PAH: variants seen among roughly 807,000 people sequenced by gnomAD.
The protein encoded by PAH is phenylalanine-4-hydroxylase.
PAH carries 64 observed loss-of-function variants against 62.0 expected under a neutral mutation model. The ratio of observed to expected loss-of-function variants is 1.03; its 90% CI spans 0.84 to 1.27. The LOEUF is 1.27. Among genes scored for constraint, PAH ranks in the 50% most tolerant of loss-of-function variants. The pLI is 0.00. For synonymous variants in PAH, 195 were observed against 196.2 expected (o/e 0.99, Z 0.05); for missense variants, 579 against 542.8 (o/e 1.07, Z -0.66).
intron 1 of PAH, among the ~76,000 whole-genome samples, chr12:102,942,536 A>AT (rs1022646608): frequency 5.9e-5 from 9 of 151,710 alleles, no homozygotes; most frequent in African/African-American, 1.2e-4. Context: ...TACCAATGAC[A>AT]TTTTTTTTCA....
intron 2 of PAH, among the ~76,000 whole-genome samples, chr12:102,905,161 T>C (rs79993046): frequency 0.034 from 5,219 of 152,262 alleles, 121 homozygotes; most frequent in African/African-American, 0.06. Context: ...CACTGGTAGA[T>C]CTGGGATTTA....
intron 11 of PAH, 142 bp from the exon 12 acceptor site, chr12:102,840,657 C>G (rs572691049): frequency 1.4e-6 from 1 of 698,132 alleles, no homozygotes; most frequent in Non-Finnish European, 2.7e-6. Context: ...AGGGCTGAGG[C>G]GGGGGGAATG....
intron 2 of PAH, among the ~76,000 whole-genome samples, chr12:102,899,884 A>C (rs1877677958): frequency 6.9e-6 from 1 of 144,006 alleles, no homozygotes; most frequent in Non-Finnish European, 1.5e-5. Flanking sequence ...AAAAAAAAAA[A>C]AAAGTGAGTA....
intron 1 of PAH, among the ~76,000 whole-genome samples, chr12:102,934,114 T>C (rs1325651559): frequency 6.6e-6 from 1 of 152,106 alleles, no homozygotes; most frequent in African/African-American, 2.4e-5. Context: ...TGATGAGACA[T>C]AGGAATGTTG....
At chr12:102,904,511 C>A (rs892785805) in intron 2 of PAH, among the ~76,000 whole-genome samples, 1 of 152,148 alleles carries the variant, frequency 6.6e-6, no homozygotes, top group African/African-American at 2.4e-5. Flanking sequence ...AGTTCATGTG[C>A]ACTATGGCTC....
At chr12:102,897,480 T>C (rs976193417) in intron 2 of PAH, among the ~76,000 whole-genome samples, 10 of 146,436 alleles carry the variant, frequency 6.8e-5, no homozygotes, top group Admixed American at 3.4e-4. Flanking sequence ...TATATATATA[T>C]ATATATATAT....
rs281865443 is a variant in PAH, at chr12:102,855,210, G to A, written c.632C>T (p.Pro211Leu). 6.2e-7 allele frequency: 1 copy of A among 1,614,110 alleles called. No homozygotes were observed. The highest frequency in any genetic ancestry group is 8.5e-7 in the Non-Finnish European group (1 of 1,179,972). ...GAAGCCACAGTACTTTTCAAGAAGT[G>A]GAAAAATGTGATTGTACTCATAGCA... ...HACYEYNHIF[P>L]LLEKYCGFHE... Residue 211 changes from proline to leucine, a missense_variant, in exon 6 of 13, where the codon CCA (proline) becomes CTA (leucine). Physicochemically the swap from Pro to Leu is moderately conservative, Grantham distance 98. Transcript: ENST00000553106.
intron 8 of PAH, among the ~76,000 whole-genome samples, chr12:102,848,540 G>C (rs1034556052): frequency 6.9e-6 from 1 of 145,714 alleles, no homozygotes; most frequent in Non-Finnish European, 1.5e-5. Context: ...AGAGGTGGAG[G>C]GTAGACAGGA....
At chr12:102,915,326 C>T (rs1878342120) in intron 1 of PAH, 1 of 152,170 alleles carries the variant, frequency 6.6e-6, no homozygotes. Flanking sequence ...CCTTAGTGCT[C>T]ATCTAGTTAA....
intron 1 of PAH, among the ~76,000 whole-genome samples, chr12:102,915,556 C>G (rs1203396548): frequency 6.6e-6 from 1 of 152,190 alleles, no homozygotes; most frequent in Admixed American, 6.5e-5. Context: ...TAGTCAATAG[C>G]ACTCCTAACA....
chr12:102,903,405 A>C (rs74743170), intron 2 of PAH, among the ~76,000 whole-genome samples: 3 of 116,056 alleles, frequency 2.6e-5, no homozygotes, highest in African/African-American at 9.8e-5. Context: ...ACAAAAAAAA[A>C]CAACCTTATG....
Position 102,838,839 on chromosome 12 carries a change from T to G in PAH, c.*336A>C, listed in dbSNP as rs1464791963. 9 of 354,742 alleles carry G rather than the reference T, an allele frequency of 2.5e-5. No homozygotes were observed. The highest frequency in any genetic ancestry group is 4.2e-5 in the Non-Finnish European group (8 of 191,276). The allele number at this position is 354,742 out of a possible 1,614,324, so 22.0% of individuals were successfully genotyped here. ...CTTATATGCTCCTTTATGAGTTCTC[T>G]GCAAAGCATATATGAAGCTTGAATG... On this transcript the variant is annotated 3_prime_UTR_variant, in exon 13 of 13. Coordinates refer to ENST00000553106, the MANE Select transcript of PAH (RefSeq NM_000277.3).
chr12:102,908,695 G>A (rs1025673649), intron 2 of PAH, among the ~76,000 whole-genome samples: 1 of 152,134 alleles, frequency 6.6e-6, no homozygotes, highest in African/African-American at 2.4e-5. Context: ...TGGAACATAG[G>A]TTACAATTAA....
At chr12:102,940,378 A>G (rs2136761123) in intron 1 of PAH, among the ~76,000 whole-genome samples, 1 of 152,296 alleles carries the variant, frequency 6.6e-6, no homozygotes, top group East Asian at 1.9e-4. Flanking sequence ...GGCAATGAAT[A>G]TCATAGAGAT....
intron 9 of PAH, among the ~76,000 whole-genome samples, chr12:102,845,066 A>T (rs1874776858): frequency 6.6e-6 from 1 of 152,042 alleles, no homozygotes; most frequent in Non-Finnish European, 1.5e-5. Flanking sequence ...ACACACCTCA[A>T]AGAAGGAGAA....
At chr12:102,880,746 C>A (rs1876779362) in intron 3 of PAH, among the ~76,000 whole-genome samples, 2 of 151,882 alleles carry the variant, frequency 1.3e-5, no homozygotes, top group South Asian at 4.2e-4. Flanking sequence ...CTGGCAGGGA[C>A]AACACGAGAT....
At chr12:102,845,757 C>A (rs1874811554) in intron 9 of PAH, among the ~76,000 whole-genome samples, 1 of 152,148 alleles carries the variant, frequency 6.6e-6, no homozygotes, top group Non-Finnish European at 1.5e-5. Flanking sequence ...GAGGAGTCTT[C>A]AGCCCAGGAA....
intron 1 of PAH, among the ~76,000 whole-genome samples, chr12:102,936,114 A>G (rs1357833794): frequency 6.6e-6 from 1 of 151,764 alleles, no homozygotes; most frequent in East Asian, 1.9e-4. Flanking sequence ...AAATTTTTCA[A>G]TTTCTATTTT....
chr12:102,910,921 GGAA>G (rs1213256596), intron 2 of PAH, among the ~76,000 whole-genome samples: 1 of 152,124 alleles, frequency 6.6e-6, no homozygotes. Flanking sequence ...GGCTTTGGGG[GGAA>G]GTTTATATTC....
Sources: allele counts gnomAD v4.1 joint callset (sites outside exome capture counted in the v4.1 genomes callset), GRCh38; gene constraint gnomAD v4.1.1; transcripts MANE v1.5; gene names NCBI Gene and HGNC (gene_info 2026-07-23, HGNC 2026-07-21).